The following GRK5 variants were observed in gnomAD, a reference collection of about 807,000 sequenced individuals.
GRK5 encodes g protein-coupled receptor kinase GRK5.
A neutral mutation model predicts 78.4 loss-of-function variants in GRK5; 40 were observed. The ratio of observed to expected loss-of-function variants is 0.51; its 90% CI spans 0.40 to 0.66. GRK5 has a LOEUF of 0.66. Among genes scored for constraint, GRK5 ranks in the 30% least tolerant of loss-of-function variants. GRK5 has a pLI of 0.00. For missense variants in GRK5, 598 were observed against 759.9 expected (o/e 0.79, Z 2.50); for synonymous variants, 289 against 296.8 (o/e 0.97, Z 0.27).
Position 119,264,265 on chromosome 10 carries a change from CAG to C in GRK5, c.52+56298_52+56299del, listed in dbSNP as rs1441288502. ...GCAGATCTCTTTCCATTACAGGTGA[CAG>C]AAGCTCAACTCCAACTAGCTTAAGC... On this transcript the variant is annotated intron_variant, in intron 1 of 15. Transcript: ENST00000392870. This position sits in a 1 kb window ranked among gnomAD's most constrained non-coding sequence, Gnocchi z 4.1. Among the ~76,000 whole-genome samples, 2 of 152,188 alleles carry C rather than the reference CAG, an allele frequency of 1.3e-5. No homozygotes were observed. The highest frequency in any genetic ancestry group is 1.3e-4 in the Admixed American group (2 of 15,278).
chr10:119,376,328 G>A (rs906227411), intron 2 of GRK5, among the ~76,000 whole-genome samples: 2 of 152,136 alleles, frequency 1.3e-5, no homozygotes, highest in Admixed American at 6.5e-5. Context: ...ATCAGTAACC[G>A]GCCAGTGGGT....
chr10:119,255,257 G>C (rs1366359576), intron 1 of GRK5, among the ~76,000 whole-genome samples: 1 of 152,090 alleles, frequency 6.6e-6, no homozygotes, highest in African/African-American at 2.4e-5. Context: ...AGCAGCTATG[G>C]CCAGAGGTGG....
chr10:119,249,331 A>C (rs1849162629), intron 1 of GRK5, among the ~76,000 whole-genome samples: 1 of 152,182 alleles, frequency 6.6e-6, no homozygotes. Context: ...TGTAGGGTGA[A>C]GTGACTTAAT....
chr10:119,260,033 T>C (rs1470564971), intron 1 of GRK5, among the ~76,000 whole-genome samples: 1 of 151,942 alleles, frequency 6.6e-6, no homozygotes, highest in East Asian at 1.9e-4. Context: ...GGAGTCTCCC[T>C]CTGTTGCCCA....
At chr10:119,351,650 T>A (rs530082112) in intron 2 of GRK5, among the ~76,000 whole-genome samples, 1 of 152,236 alleles carries the variant, frequency 6.6e-6, no homozygotes, top group East Asian at 1.9e-4. Context: ...ACTAAGACAC[T>A]ATTATAGGTG....
intron 1 of GRK5, among the ~76,000 whole-genome samples, chr10:119,261,039 C>A (rs1158905477): frequency 7.2e-4 from 3 of 4,166 alleles, no homozygotes; most frequent in Admixed American, 4.6e-3. Context: ...AGGGGGCTGA[C>A]CCCCCCACCT....
chr10:119,425,987 C>T (rs1207056315), intron 6 of GRK5, among the ~76,000 whole-genome samples: 1 of 152,196 alleles, frequency 6.6e-6, no homozygotes, highest in Admixed American at 6.5e-5. Flanking sequence ...CGGGGCGATG[C>T]CTGTGTAAAA....
At chr10:119,308,411 C>T (rs1025308818) in intron 1 of GRK5, among the ~76,000 whole-genome samples, 4 of 151,608 alleles carry the variant, frequency 2.6e-5, no homozygotes, top group African/African-American at 4.9e-5. Flanking sequence ...GCTGCTGCTT[C>T]GGTACAGTCA....
At chr10:119,261,058 G>A (rs1345741260) in intron 1 of GRK5, among the ~76,000 whole-genome samples, 1 of 75,518 alleles carries the variant, frequency 1.3e-5, no homozygotes, top group African/African-American at 4.3e-5. Flanking sequence ...CTCCCTCCCG[G>A]ACGGGGCGGC....
chr10:119,416,704 G>A (rs960252749), intron 4 of GRK5, among the ~76,000 whole-genome samples: 12 of 151,706 alleles, frequency 7.9e-5, no homozygotes, highest in Admixed American at 3.3e-4. Flanking sequence ...AGCGATTCTC[G>A]TGCCTCAGCC....
intron 2 of GRK5, among the ~76,000 whole-genome samples, chr10:119,365,019 A>G (rs947766814): frequency 6.6e-5 from 10 of 152,134 alleles, no homozygotes; most frequent in Admixed American, 5.9e-4. Flanking sequence ...GTTTAGCGTC[A>G]GTTACAGACC....
At position 119,296,961 on chromosome 10, in the gene GRK5, G is replaced by C. The variant is rs1302294891; in HGVS notation, c.53-29555G>C. On this transcript the variant is annotated intron_variant, in intron 1 of 15. Transcript: ENST00000392870. ...CCTGACCTGTGAGAACTTGGATTCT[G>C]TCCTGGTATCTGGTGGCCACAGCTG... is the stretch of plus-strand genomic sequence containing the variant. 3.9e-5 allele frequency among the ~76,000 whole-genome samples: 6 copies of C among 152,004 alleles called. No homozygotes were observed. In the East Asian group the frequency reaches 1.2e-3, roughly 29 times the overall value.
At chr10:119,247,419 T>C (rs1487757101) in intron 1 of GRK5, among the ~76,000 whole-genome samples, 2 of 152,286 alleles carry the variant, frequency 1.3e-5, no homozygotes, top group East Asian at 3.9e-4. Flanking sequence ...CAAACCAAAA[T>C]AACTTTATAA....
intron 13 of GRK5, among the ~76,000 whole-genome samples, chr10:119,451,277 A>AG: frequency 6.6e-6 from 1 of 152,038 alleles, no homozygotes; most frequent in East Asian, 1.9e-4. Flanking sequence ...GTATTTTAAA[A>AG]GGAAACCTTT....
At chr10:119,448,301 G>T in intron 13 of GRK5, 41 bp downstream of exon 13, 1 of 1,565,626 alleles carries the variant, frequency 6.4e-7, no homozygotes, top group East Asian at 2.4e-5. Context: ...CCCTTCACAG[G>T]GTACCCAGGG....
intron 1 of GRK5, among the ~76,000 whole-genome samples, chr10:119,298,008 C>T (rs1850112701): frequency 6.6e-6 from 1 of 152,166 alleles, no homozygotes; most frequent in Non-Finnish European, 1.5e-5. Flanking sequence ...TGGGACCTCA[C>T]TTTGTCTTTC....
intron 1 of GRK5, among the ~76,000 whole-genome samples, chr10:119,241,473 C>T (rs1022461892): frequency 2.6e-5 from 4 of 152,210 alleles, no homozygotes; most frequent in African/African-American, 9.6e-5. Flanking sequence ...AATTCTGTCC[C>T]ACACCGTTAA....
At chr10:119,279,513 T>C (rs1212941853) in intron 1 of GRK5, among the ~76,000 whole-genome samples, 1 of 152,092 alleles carries the variant, frequency 6.6e-6, no homozygotes, top group Non-Finnish European at 1.5e-5. Context: ...GGCTCGGTGC[T>C]ACTAGGGGGG....
At chr10:119,353,214 G>A (rs755007106) in intron 2 of GRK5, among the ~76,000 whole-genome samples, 2 of 152,134 alleles carry the variant, frequency 1.3e-5, no homozygotes, top group Non-Finnish European at 2.9e-5. Context: ...GAATGTTCGG[G>A]CTGAAATGGG....
Sources: allele counts gnomAD v4.1 joint callset (sites outside exome capture counted in the v4.1 genomes callset), GRCh38; gene constraint gnomAD v4.1.1; non-coding constraint Gnocchi (gnomAD v3.1); transcripts MANE v1.5; gene names NCBI Gene and HGNC (gene_info 2026-07-23, HGNC 2026-07-21).